Variants in TPST2 observed in about 807,000 individuals in gnomAD.
The protein encoded by TPST2 is tyrosylprotein sulfotransferase 2.
A neutral mutation model predicts 27.8 loss-of-function variants in TPST2; 16 were observed. The observed-to-expected ratio is 0.58, with a 90% confidence interval of 0.39 to 0.88. The LOEUF (loss-of-function observed/expected upper bound fraction) is 0.88. Ranked by LOEUF, TPST2 falls within the 40% of genes least tolerant of loss-of-function variation. TPST2 has a pLI of 0.00. For missense variants in TPST2, 464 were observed against 543.1 expected (o/e 0.85, Z 1.45); for synonymous variants, 229 against 231.7 (o/e 0.99, Z 0.10).
intron 1 of TPST2, among the ~76,000 whole-genome samples, chr22:26,579,422 G>A (rs1927997755): frequency 6.6e-6 from 1 of 152,196 alleles, no homozygotes; most frequent in Non-Finnish European, 1.5e-5. Context: ...CAGCCCTGGG[G>A]CCCGGTGGGG....
intron 1 of TPST2, among the ~76,000 whole-genome samples, chr22:26,559,582 A>G (rs1022341841): frequency 6.6e-6 from 1 of 152,156 alleles, no homozygotes; most frequent in Non-Finnish European, 1.5e-5. Flanking sequence ...CCAGGAGACC[A>G]CTACTCTACT....
At chr22:26,550,134 G>A (rs528762384) in intron 1 of TPST2, among the ~76,000 whole-genome samples, 1 of 152,154 alleles carries the variant, frequency 6.6e-6, no homozygotes, top group African/African-American at 2.4e-5. Context: ...CCCTGGAAGG[G>A]AGGGGCTAAT....
At chr22:26,542,214 CG>C (rs1925895109) in intron 2 of TPST2, among the ~76,000 whole-genome samples, 1 of 141,596 alleles carries the variant, frequency 7.1e-6, no homozygotes. Flanking sequence ...TGCACTCCAG[CG>C]TGGGCGACAG....
At position 26,562,629 on chromosome 22, in the gene TPST2, C is replaced by CTTT. The variant is rs201599919; in HGVS notation, c.-160-17957_-160-17955dup. ...CTTGCTTTTTCTTTTCTTTTCTTTT[C>CTTT]TTTTTTTTTTTTGAGACTGACTCTC... On this transcript the variant is annotated intron_variant, in intron 1 of 6. Transcript: ENST00000338754. Among the ~76,000 whole-genome samples, 60 of 108,298 alleles carry CTTT rather than the reference C, an allele frequency of 5.5e-4. 2 individuals carry two copies. The highest frequency in any genetic ancestry group is 1.9e-3 in the African/African-American group (52 of 27,342). 71.0% of individuals were successfully genotyped at this position (108,298 alleles called of 152,430 possible). A position where few individuals can be genotyped will look rare whatever the true frequency, so the allele number is the denominator to read the frequency against.
At chr22:26,532,874 T>C (rs2097468) in intron 4 of TPST2, 129 bp from the exon 5 acceptor site, 13 of 766,740 alleles carry the variant, frequency 1.7e-5, no homozygotes, top group Middle Eastern at 3.5e-4. Flanking sequence ...CAACAAACAT[T>C]GCTTAAGCTC....
At chr22:26,580,444 TG>T (rs1047797046) in intron 1 of TPST2, among the ~76,000 whole-genome samples, 2 of 151,912 alleles carry the variant, frequency 1.3e-5, no homozygotes, top group African/African-American at 4.8e-5. Context: ...GAGAGAGAGG[TG>T]ACTACTGGCC....
chr22:26,572,356 G>A (rs909994462), intron 1 of TPST2, among the ~76,000 whole-genome samples: 2 of 152,170 alleles, frequency 1.3e-5, no homozygotes, highest in Non-Finnish European at 1.5e-5. Flanking sequence ...GCTGGCATGA[G>A]AGCAAAGCCA....
chr22:26,573,334 T>C (rs993815101), intron 1 of TPST2, among the ~76,000 whole-genome samples: 2 of 152,238 alleles, frequency 1.3e-5, no homozygotes, highest in Admixed American at 1.3e-4. Context: ...CCCTGCCTAG[T>C]TCCACCGTCT....
At chr22:26,544,939 T>G (rs557722441) in intron 1 of TPST2, among the ~76,000 whole-genome samples, 1 of 152,188 alleles carries the variant, frequency 6.6e-6, no homozygotes, top group Non-Finnish European at 1.5e-5. Flanking sequence ...GCCGCTGCCT[T>G]AGGGAGCCCC....
intron 6 of TPST2, 29 bp downstream of exon 6, chr22:26,528,185 G>A: frequency 1.3e-6 from 2 of 1,555,104 alleles, no homozygotes; most frequent in Non-Finnish European, 8.7e-7. Context: ...AGAAGCAGCG[G>A]GAACCCCCAG....
rs754057486 is a variant in TPST2 at position 26,541,256 on chromosome 22, C to T, written c.375G>A (p.Glu125=). 4 of 1,541,380 alleles carry T rather than the reference C, an allele frequency of 2.6e-6. No individual in the cohort carries two copies. Among genetic ancestry groups the T allele is most frequent in the Non-Finnish European group, 3.5e-6 (4 of 1,142,336 alleles). The stretch of plus-strand genomic sequence containing the variant: ...CCAGCACCTCATCCGTCACCCCCGC[C>T]TCATCCAGCCGCAGCTTCTCACGGC... ...KSGREKLRLD[E]AGVTDEVLDA... is the part of the protein sequence containing the mutation. Residue 125 remains glutamate (E), a synonymous_variant, in exon 3 of 7, where the codon GAG becomes GAA. Coordinates refer to ENST00000338754, the MANE Select transcript of TPST2 (RefSeq NM_003595.5). The surrounding 1 kb of genome is among the most constrained non-coding windows in gnomAD (Gnocchi z 5.9).
chr22:26,539,383 G>A (rs1209890737), intron 3 of TPST2, among the ~76,000 whole-genome samples: 3 of 152,144 alleles, frequency 2.0e-5, no homozygotes, highest in Non-Finnish European at 4.4e-5. Context: ...CTTTTCCAAT[G>A]GAAGAAGGCA....
intron 1 of TPST2, chr22:26,565,672 A>C (rs745791930): frequency 1.3e-4 from 20 of 152,358 alleles, no homozygotes; most frequent in African/African-American, 4.8e-4. Context: ...ATAGAAATGC[A>C]GTGTGAGACA....
rs149952620 is a variant in TPST2 at position 26,541,425 on chromosome 22, G to A, written c.206C>T (p.Pro69Leu). The A allele has an allele frequency of 9.6e-5, 152 of 1,580,854 alleles. 1 individual carries two copies. The highest frequency in any genetic ancestry group is 1.2e-4 in the Non-Finnish European group (142 of 1,162,894). ...AGGCACGCCACCCACGAAGATGAGCGGCATGGCCTTGCCATAGCGGTATTC... is the reference window on the plus strand; with the variant it reads ...AGGCACGCCACCCACGAAGATGAGCAGCATGGCCTTGCCATAGCGGTATTC... ...HVEYRYGKAMPLIFVGGVPRS... is the reference protein window; with the variant it reads ...HVEYRYGKAMLLIFVGGVPRS... Residue 69 changes from proline to leucine, a missense_variant, in exon 3 of 7, where the codon CCG (proline) becomes CTG (leucine). Pro to Leu is a moderately conservative substitution (Grantham distance 98, BLOSUM62 -3). Coordinates refer to ENST00000338754, the MANE Select transcript of TPST2 (RefSeq NM_003595.5). The surrounding 1 kb of genome is among the most constrained non-coding windows in gnomAD (Gnocchi z 5.9).
intron 1 of TPST2, among the ~76,000 whole-genome samples, chr22:26,551,540 C>G (rs1926469897): frequency 6.6e-6 from 1 of 152,148 alleles, no homozygotes; most frequent in Non-Finnish European, 1.5e-5. Context: ...AGCCTGTGTT[C>G]TCCTCCCTGT....
chr22:26,575,967 G>T (rs1927819719), intron 1 of TPST2, among the ~76,000 whole-genome samples: 1 of 152,012 alleles, frequency 6.6e-6, no homozygotes, highest in Non-Finnish European at 1.5e-5. Flanking sequence ...CCGCACTCCA[G>T]CCTGGGTGAC....
intron 1 of TPST2, among the ~76,000 whole-genome samples, chr22:26,586,945 G>A (rs577655171): frequency 2.2e-3 from 328 of 152,344 alleles, no homozygotes; most frequent in African/African-American, 3.4e-3. Context: ...GTCTGTGTGT[G>A]CAGAATGTTC....
intron 1 of TPST2, among the ~76,000 whole-genome samples, chr22:26,563,437 T>C (rs1927223339): frequency 6.6e-6 from 1 of 150,500 alleles, no homozygotes; most frequent in African/African-American, 2.4e-5. Flanking sequence ...CACACCATTC[T>C]CCTGCCTCAG....
intron 5 of TPST2, 139 bp downstream of exon 5, chr22:26,532,556 G>T: frequency 2.1e-6 from 2 of 967,920 alleles, no homozygotes; most frequent in Non-Finnish European, 1.6e-6. Flanking sequence ...TGGGATTACA[G>T]GCAGCCAGCT....
Sources: allele counts gnomAD v4.1 joint callset (sites outside exome capture counted in the v4.1 genomes callset), GRCh38; gene constraint gnomAD v4.1.1; non-coding constraint Gnocchi (gnomAD v3.1); transcripts MANE v1.5; gene names NCBI Gene and HGNC (gene_info 2026-07-23, HGNC 2026-07-21).